ZNF704: variants seen among roughly 807,000 people sequenced by gnomAD.
ZNF704 encodes the protein glucocorticoid induced gene 1.
ZNF704 carries 10 observed loss-of-function variants against 44.7 expected under a neutral mutation model. That is an observed-to-expected ratio of 0.22 (90% CI 0.14 to 0.38). The LOEUF (loss-of-function observed/expected upper bound fraction) is 0.38. Ranked by LOEUF, ZNF704 falls within the 10% of genes least tolerant of loss-of-function variation. The pLI is 1.00. For synonymous variants in ZNF704, 211 were observed against 207.6 expected, an observed-to-expected ratio of 1.02 and a Z score of -0.14; for missense variants, 390 against 545.5, an observed-to-expected ratio of 0.71 and a Z score of 2.84.
At chr8:80,732,619 C>T (rs1392875938) in intron 2 of ZNF704, among the ~76,000 whole-genome samples, 3 of 152,212 alleles carry the variant, frequency 2.0e-5, no homozygotes, top group African/African-American at 7.2e-5. Flanking sequence ...AGATGACTGC[C>T]CCCAGGCAAG....
At chr8:80,844,571 A>T (rs1263155177) in intron 1 of ZNF704, among the ~76,000 whole-genome samples, 1 of 152,140 alleles carries the variant, frequency 6.6e-6, no homozygotes, top group Non-Finnish European at 1.5e-5. Context: ...CCCTACCACA[A>T]CAACCAGATA....
chr8:80,837,761 G>A (rs1334111555), intron 1 of ZNF704, among the ~76,000 whole-genome samples: 3 of 152,040 alleles, frequency 2.0e-5, no homozygotes, highest in Admixed American at 6.6e-5. Flanking sequence ...ATTTCTTTTC[G>A]AAGGAGGCCA....
At chr8:80,825,158 G>A (rs1808349572) in intron 1 of ZNF704, among the ~76,000 whole-genome samples, 1 of 152,170 alleles carries the variant, frequency 6.6e-6, no homozygotes, top group South Asian at 2.1e-4. Context: ...AGATCCATCA[G>A]TGTGCTGTAT....
upstream of ZNF704, among the ~76,000 whole-genome samples, chr8:80,879,400 C>T (rs75774711): frequency 0.051 from 7,781 of 152,132 alleles, 263 homozygotes; most frequent in Non-Finnish European, 0.075. Context: ...CCACGCTCAG[C>T]TAGTTTTTGG....
At chr8:80,726,267 TG>T (rs1176888350) in intron 2 of ZNF704, among the ~76,000 whole-genome samples, 13 of 152,124 alleles carry the variant, frequency 8.5e-5, no homozygotes, top group Admixed American at 7.2e-4. Flanking sequence ...TCAACACATG[TG>T]TTTTTTAATC....
chr8:80,707,117 T>G lies in ZNF704; in HGVS notation c.222-14010A>C, dbSNP rs73693836. 3.1e-3 allele frequency among the ~76,000 whole-genome samples: 466 copies of G among 152,360 alleles called. 6 individuals carry two copies. The highest frequency in any genetic ancestry group is 0.011 in the African/African-American group (454 of 41,580). ...CATTTTATAAACATGGAGACTTTGGTAACTTTCTAACAGTACTTGGCCAGT... is the reference window on the plus strand; with the variant it reads ...CATTTTATAAACATGGAGACTTTGGGAACTTTCTAACAGTACTTGGCCAGT... On this transcript the variant is annotated intron_variant, in intron 2 of 8. Coordinates refer to ENST00000327835, the MANE Select transcript of ZNF704 (RefSeq NM_001033723.3).
At chr8:80,669,381 T>G (rs1267524259) in intron 5 of ZNF704, among the ~76,000 whole-genome samples, 1 of 152,158 alleles carries the variant, frequency 6.6e-6, no homozygotes, top group Non-Finnish European at 1.5e-5. Context: ...TTCTTACACA[T>G]AAGGTAGACT....
Position 80,644,447 on chromosome 8 carries a change from G to A in ZNF704, c.1033-1318C>T, listed in dbSNP as rs576863874. Among the ~76,000 whole-genome samples the A allele has an allele frequency of 6.7e-4, 102 of 151,856 alleles. 1 individual carries two copies. The South Asian group carries it at 0.021, about 31-fold the overall frequency. Reference sequence around the variant, plus strand: ...ATTTTTTTAACAAAGGAAAAAGAATGTTTCTTTTTTTTTTAGATTATAAAA... The same window carrying A: ...ATTTTTTTAACAAAGGAAAAAGAATATTTCTTTTTTTTTTAGATTATAAAA... On this transcript the variant is annotated intron_variant, in intron 7 of 8. Coordinates refer to ENST00000327835, the MANE Select transcript of ZNF704 (RefSeq NM_001033723.3).
chr8:80,652,449 G>T (rs1220926794), intron 7 of ZNF704, among the ~76,000 whole-genome samples: 1 of 150,938 alleles, frequency 6.6e-6, no homozygotes. Context: ...AAAGAGAGAA[G>T]AATCAAATAG....
intron 2 of ZNF704, among the ~76,000 whole-genome samples, chr8:80,700,212 T>C (rs1049036659): frequency 2.0e-5 from 3 of 152,242 alleles, no homozygotes; most frequent in African/African-American, 7.2e-5. Flanking sequence ...TCCTAGGAGA[T>C]ATACTGAAGT....
intron 2 of ZNF704, among the ~76,000 whole-genome samples, chr8:80,727,335 G>A (rs957617219): frequency 1.3e-5 from 2 of 152,066 alleles, no homozygotes; most frequent in African/African-American, 4.8e-5. Context: ...GTGGAAGAGG[G>A]GAAAGATTCT....
chr8:80,644,296 A>G (rs1379264191), intron 7 of ZNF704, among the ~76,000 whole-genome samples: 1 of 152,090 alleles, frequency 6.6e-6, no homozygotes, highest in East Asian at 1.9e-4. Context: ...TCCCTCAGTC[A>G]TAGAGGAGGG....
intron 2 of ZNF704, among the ~76,000 whole-genome samples, chr8:80,813,299 T>C (rs1808119971): frequency 6.6e-6 from 1 of 152,222 alleles, no homozygotes; most frequent in South Asian, 2.1e-4. Context: ...TAACCTTCAT[T>C]AATGGCAGTG....
chr8:80,750,461 T>C (rs548154455), intron 2 of ZNF704, among the ~76,000 whole-genome samples: 10 of 152,196 alleles, frequency 6.6e-5, no homozygotes, highest in Middle Eastern at 3.4e-3. Flanking sequence ...GACAAGATAA[T>C]TTATATCCTT....
intron 7 of ZNF704, among the ~76,000 whole-genome samples, chr8:80,651,074 T>A (rs1377487630): frequency 6.6e-6 from 1 of 152,182 alleles, no homozygotes; most frequent in Non-Finnish European, 1.5e-5. Flanking sequence ...CTAAGCTTCA[T>A]AAGTGAAGGA....
intron 2 of ZNF704, among the ~76,000 whole-genome samples, chr8:80,761,968 T>C (rs1026757124): frequency 6.6e-6 from 1 of 152,216 alleles, no homozygotes; most frequent in Non-Finnish European, 1.5e-5. Flanking sequence ...AACCAAGATC[T>C]AAAGAAATTT....
chr8:80,844,087 C>T (rs1808728025), intron 1 of ZNF704, among the ~76,000 whole-genome samples: 1 of 151,786 alleles, frequency 6.6e-6, no homozygotes. Context: ...AAGAATCACA[C>T]AAGTATAATA....
chr8:80,800,910 G>A (rs542601209), intron 2 of ZNF704, among the ~76,000 whole-genome samples: 1 of 152,096 alleles, frequency 6.6e-6, no homozygotes, highest in Non-Finnish European at 1.5e-5. Flanking sequence ...CTGTGTTCAA[G>A]AGACCCATCT....
intron 5 of ZNF704, among the ~76,000 whole-genome samples, chr8:80,667,929 A>C (rs529079863): frequency 6.6e-6 from 1 of 152,318 alleles, no homozygotes; most frequent in Admixed American, 6.5e-5. Flanking sequence ...GGGTGCTTAG[A>C]AGCAGATCTT....
Sources: gnomAD v4.1 joint callset for allele counts (sites outside exome capture counted in the v4.1 genomes callset) on GRCh38, gnomAD v4.1.1 for gene constraint, MANE v1.5 for transcripts, NCBI Gene and HGNC (gene_info 2026-07-23, HGNC 2026-07-21) for gene names.